The following THSD7A variants were observed in gnomAD, a reference collection of about 807,000 sequenced individuals.
THSD7A encodes the protein thrombospondin type 1 domain containing 7A.
In THSD7A, 96 loss-of-function variants were observed where a neutral mutation model predicts 231.3. That is an observed-to-expected ratio of 0.41 (90% CI 0.35 to 0.49). The LOEUF is 0.49. Ranked by LOEUF, THSD7A falls within the 20% of genes least tolerant of loss-of-function variation. The pLI is 0.05. For missense variants in THSD7A, 2,290 were observed against 2,070.2 expected (o/e 1.11, Z -2.06); for synonymous variants, 940 against 743.3 (o/e 1.26, Z -4.30).
At chr7:11,452,112 C>T (rs1246669170) in intron 11 of THSD7A, among the ~76,000 whole-genome samples, 5 of 151,910 alleles carry the variant, frequency 3.3e-5, no homozygotes, top group Admixed American at 6.6e-5. Flanking sequence ...ATGGTTTATA[C>T]CACTACACTA....
chr7:11,603,008 A>G (rs1328034189), intron 2 of THSD7A, among the ~76,000 whole-genome samples: 1 of 151,276 alleles, frequency 6.6e-6, no homozygotes, highest in Non-Finnish European at 1.5e-5. Context: ...AATGGCAACA[A>G]AAGACAAAAT....
intron 1 of THSD7A, among the ~76,000 whole-genome samples, chr7:11,675,081 T>C (rs1211072537): frequency 7.2e-5 from 11 of 152,022 alleles, no homozygotes; most frequent in Non-Finnish European, 1.3e-4. Context: ...TTCATTTTAT[T>C]GGGACTGGTT....
chr7:11,709,975 A>C (rs140992193), intron 1 of THSD7A, among the ~76,000 whole-genome samples: 49 of 151,018 alleles, frequency 3.2e-4, no homozygotes, highest in Non-Finnish European at 4.5e-5. Flanking sequence ...GGTTGGATCA[A>C]ATGTATGGCT....
At chr7:11,558,790 T>C (rs1789954911) in intron 4 of THSD7A, among the ~76,000 whole-genome samples, 1 of 152,106 alleles carries the variant, frequency 6.6e-6, no homozygotes, top group African/African-American at 2.4e-5. Context: ...ACTCAAAAGT[T>C]CTATGCCTTA....
In THSD7A at chr7:11,373,383, G is replaced by C. The variant is rs919498688; in HGVS notation, c.*2411C>G. 3 of 151,946 alleles carry C rather than the reference G, an allele frequency of 2.0e-5. No homozygotes were observed. Among genetic ancestry groups the C allele is most frequent in the Non-Finnish European group, 4.4e-5 (3 of 67,926 alleles). 9.4% of individuals were successfully genotyped at this position (151,946 alleles called of 1,614,324 possible). ...ACAAATGGAGTTTATTTTATTCAAAGAGATCAACTTTAGGATTATCTGGAA... is the reference window on the plus strand; with the variant it reads ...ACAAATGGAGTTTATTTTATTCAAACAGATCAACTTTAGGATTATCTGGAA... On this transcript the variant is annotated 3_prime_UTR_variant, in exon 28 of 28. Coordinates refer to ENST00000423059, the MANE Select transcript of THSD7A (RefSeq NM_015204.3).
intron 2 of THSD7A, among the ~76,000 whole-genome samples, chr7:11,621,108 A>C (rs1240699018): frequency 6.6e-6 from 1 of 152,222 alleles, no homozygotes; most frequent in Non-Finnish European, 1.5e-5. Flanking sequence ...GTTTCACAAC[A>C]CATTGCTTTG....
At chr7:11,482,585 G>C (rs1786475266) in intron 6 of THSD7A, among the ~76,000 whole-genome samples, 2 of 152,190 alleles carry the variant, frequency 1.3e-5, no homozygotes, top group African/African-American at 4.8e-5. Flanking sequence ...CAGTTGGAGA[G>C]GGAGGGAAAC....
intron 11 of THSD7A, among the ~76,000 whole-genome samples, chr7:11,455,924 A>G (rs1395977642): frequency 2.6e-5 from 4 of 152,066 alleles, no homozygotes; most frequent in Non-Finnish European, 5.9e-5. Flanking sequence ...TTATGCTATT[A>G]ATAGTATTAA....
intron 16 of THSD7A, 106 bp downstream of exon 16, chr7:11,424,590 A>G: frequency 6.7e-7 from 1 of 1,494,822 alleles, no homozygotes; most frequent in Non-Finnish European, 9.0e-7. Context: ...AACTGCAGAC[A>G]ATTTTATCCA....
chr7:11,447,167 C>T, intron 12 of THSD7A, 63 bp downstream of exon 12: 1 of 1,486,442 alleles, frequency 6.7e-7, no homozygotes, highest in Middle Eastern at 2.0e-4. Flanking sequence ...TTCTCTCAGT[C>T]TGACTTGTAT....
intron 1 of THSD7A, among the ~76,000 whole-genome samples, chr7:11,653,257 C>T (rs1301397318): frequency 6.6e-6 from 1 of 150,922 alleles, no homozygotes; most frequent in East Asian, 2.0e-4. Flanking sequence ...TTAAGAGGCC[C>T]TGCTTATTAT....
chr7:11,761,081 A>C (rs1257530960), intron 1 of THSD7A, among the ~76,000 whole-genome samples: 2 of 151,660 alleles, frequency 1.3e-5, no homozygotes, highest in African/African-American at 4.8e-5. Context: ...AAAACAAACA[A>C]AAAATTTTTA....
intron 1 of THSD7A, among the ~76,000 whole-genome samples, chr7:11,658,038 C>G (rs553822069): frequency 6.6e-6 from 1 of 151,764 alleles, no homozygotes; most frequent in Non-Finnish European, 1.5e-5. Context: ...TGCCACCCTG[C>G]TAGCTTCAAC....
At chr7:11,721,679 G>A (rs187682113) in intron 1 of THSD7A, among the ~76,000 whole-genome samples, 76 of 151,940 alleles carry the variant, frequency 5.0e-4, no homozygotes, top group Admixed American at 4.9e-3. Context: ...CTTACACCTA[G>A]TATTTCTCCC....
chr7:11,498,520 C>A (rs1036086726), intron 6 of THSD7A, among the ~76,000 whole-genome samples: 3 of 152,168 alleles, frequency 2.0e-5, no homozygotes, highest in Non-Finnish European at 4.4e-5. Flanking sequence ...GGTGGGCCAC[C>A]ATCTTTGCTG....
chr7:11,704,588 A>G (rs987125979), intron 1 of THSD7A, among the ~76,000 whole-genome samples: 1 of 150,822 alleles, frequency 6.6e-6, no homozygotes, highest in African/African-American at 2.4e-5. Context: ...AGTGTTTCAT[A>G]AAGGAGCATT....
intron 4 of THSD7A, among the ~76,000 whole-genome samples, chr7:11,585,400 A>G (rs1791357755): frequency 6.6e-6 from 1 of 152,138 alleles, no homozygotes. Flanking sequence ...TTTAATTATT[A>G]TATACAGTAA....
At chr7:11,756,670 G>C (rs1782687313) in intron 1 of THSD7A, among the ~76,000 whole-genome samples, 1 of 152,048 alleles carries the variant, frequency 6.6e-6, no homozygotes. Context: ...GGGCAAGTAG[G>C]TTGCATGGAT....
intron 6 of THSD7A, among the ~76,000 whole-genome samples, chr7:11,482,781 G>C (rs532733756): frequency 4.1e-4 from 62 of 152,220 alleles, no homozygotes; most frequent in African/African-American, 1.4e-3. Context: ...TTTTGCCCTT[G>C]ACACTCTAGA....
Sources: allele counts gnomAD v4.1 joint callset (sites outside exome capture counted in the v4.1 genomes callset), GRCh38; gene constraint gnomAD v4.1.1; transcripts MANE v1.5; gene names NCBI Gene and HGNC (gene_info 2026-07-23, HGNC 2026-07-21).